The following SHROOM3 variants were observed in gnomAD, a reference collection of about 807,000 sequenced individuals.
SHROOM3 encodes shroom family member 3.
SHROOM3 carries 47 observed loss-of-function variants against 138.6 expected under a neutral mutation model. The ratio of observed to expected loss-of-function variants is 0.34; its 90% CI spans 0.27 to 0.43. The LOEUF (loss-of-function observed/expected upper bound fraction) is 0.43. Ranked by LOEUF, SHROOM3 falls within the 20% of genes least tolerant of loss-of-function variation. The pLI, the probability that SHROOM3 is intolerant of heterozygous loss-of-function variation, is 1.00. For synonymous variants in SHROOM3, 1,062 were observed against 1,063.3 expected (o/e 1.00, Z 0.02); for missense variants, 2,491 against 2,596.5 (o/e 0.96, Z 0.88).
intron 2 of SHROOM3, among the ~76,000 whole-genome samples, chr4:76,599,245 G>A (rs886900652): frequency 6.6e-6 from 1 of 152,110 alleles, no homozygotes; most frequent in South Asian, 2.1e-4. Context: ...TGGTTAAAGA[G>A]TAAGAGGAGG....
chr4:76,475,960 G>A (rs1244765988), intron 1 of SHROOM3, among the ~76,000 whole-genome samples: 1 of 151,712 alleles, frequency 6.6e-6, no homozygotes, highest in Non-Finnish European at 1.5e-5. Flanking sequence ...AGATCTGTGT[G>A]GATCACAAAA....
chr4:76,604,313 T>C (rs1734572255), intron 2 of SHROOM3, among the ~76,000 whole-genome samples: 1 of 152,230 alleles, frequency 6.6e-6, no homozygotes, highest in Non-Finnish European at 1.5e-5. Flanking sequence ...TGGCTATATT[T>C]ATGCCAAGTT....
intron 1 of SHROOM3, among the ~76,000 whole-genome samples, chr4:76,443,440 A>G (rs763032074): frequency 1.3e-5 from 2 of 152,238 alleles, no homozygotes; most frequent in African/African-American, 2.4e-5. Context: ...TTGAAAAAAC[A>G]AAACCTCAAA....
chr4:76,518,358 T>C (rs1490327573), intron 1 of SHROOM3, among the ~76,000 whole-genome samples: 1 of 152,172 alleles, frequency 6.6e-6, no homozygotes, highest in African/African-American at 2.4e-5. Context: ...TAAATCTTTG[T>C]TGTGGTTGAA....
At chr4:76,633,099 G>A (rs185714777) in intron 2 of SHROOM3, among the ~76,000 whole-genome samples, 6 of 152,136 alleles carry the variant, frequency 3.9e-5, no homozygotes, top group Non-Finnish European at 7.4e-5. Context: ...AGCCGAGCGC[G>A]GTGGCTCATG....
At chr4:76,694,280 C>G (rs1480876622) in intron 2 of SHROOM3, among the ~76,000 whole-genome samples, 1 of 152,168 alleles carries the variant, frequency 6.6e-6, no homozygotes, top group Non-Finnish European at 1.5e-5. Flanking sequence ...CATAGACACT[C>G]CAGCCACAAG....
intron 1 of SHROOM3, among the ~76,000 whole-genome samples, chr4:76,508,408 TATTTATGTCTGTTCTTCTGCC>T (rs892537825): frequency 2.6e-5 from 4 of 152,246 alleles, no homozygotes; most frequent in Non-Finnish European, 4.4e-5. Flanking sequence ...TATTATATTC[TATTTATGTCTGTTCTTCTGCC>T]AGTACCATGC....
intron 5 of SHROOM3, among the ~76,000 whole-genome samples, chr4:76,748,587 A>AT (rs1721519797): frequency 6.6e-6 from 1 of 152,210 alleles, no homozygotes; most frequent in African/African-American, 2.4e-5. Context: ...AACATTTGAG[A>AT]TTTTTGCAAA....
chr4:76,750,549 A>C (rs962669645), intron 6 of SHROOM3, among the ~76,000 whole-genome samples: 2 of 152,174 alleles, frequency 1.3e-5, no homozygotes, highest in African/African-American at 4.8e-5. Context: ...GATTGAAAAA[A>C]CTACCTATCA....
At chr4:76,456,719 G>A (rs745629637) in intron 1 of SHROOM3, among the ~76,000 whole-genome samples, 3 of 152,174 alleles carry the variant, frequency 2.0e-5, no homozygotes, top group Non-Finnish European at 4.4e-5. Flanking sequence ...TTTCATGCGC[G>A]TCCGTGTAAA....
chr4:76,680,092 A>G (rs1307125805), intron 2 of SHROOM3, among the ~76,000 whole-genome samples: 3 of 151,898 alleles, frequency 2.0e-5, no homozygotes, highest in Non-Finnish European at 4.4e-5. Context: ...AACCAGAATC[A>G]GTTTTAAGCT....
intron 2 of SHROOM3, among the ~76,000 whole-genome samples, chr4:76,601,999 G>A (rs1282694187): frequency 2.0e-5 from 3 of 152,214 alleles, no homozygotes; most frequent in Non-Finnish European, 4.4e-5. Flanking sequence ...TGGACACACA[G>A]CTGTTTTGTG....
At chr4:76,537,155 A>G (rs4256248) in intron 1 of SHROOM3, among the ~76,000 whole-genome samples, 102,224 of 151,908 alleles carry the variant, frequency 0.67, 34,778 homozygotes, top group East Asian at 0.94. Context: ...AGAGAAAAGG[A>G]AGTGAGCCAT....
chr4:76,765,633 C>T (rs550325648), intron 9 of SHROOM3, among the ~76,000 whole-genome samples: 3 of 152,218 alleles, frequency 2.0e-5, no homozygotes, highest in Non-Finnish European at 4.4e-5. Context: ...TGTAGAGTGA[C>T]GTTACTGGCG....
At chr4:76,724,505 C>T (rs189630823) in intron 3 of SHROOM3, among the ~76,000 whole-genome samples, 8 of 151,982 alleles carry the variant, frequency 5.3e-5, no homozygotes, top group African/African-American at 1.9e-4. Context: ...TTTAAAAATA[C>T]TTTGCTTTTC....
chr4:76,542,314 C>A (rs957827534), intron 1 of SHROOM3, among the ~76,000 whole-genome samples: 1 of 152,174 alleles, frequency 6.6e-6, no homozygotes, highest in African/African-American at 2.4e-5. Flanking sequence ...GGTCACACAG[C>A]TAGTAAGTGG....
In SHROOM3 at chr4:76,740,409, C is replaced by T; in HGVS notation, c.2236C>T (p.Pro746Ser). The change falls in exon 5 of 11, where the codon CCT (proline) becomes TCT (serine). Residue 746 changes from proline to serine, a missense_variant. Physicochemically the swap from Pro to Ser is moderately conservative, Grantham distance 74. Around this residue, in one of 4 missense-constraint regions of SHROOM3, gnomAD observed 1,733 missense variants for 1,661.6 expected, o/e 1.04. Transcript: ENST00000296043. This position sits in a 1 kb window ranked among gnomAD's most constrained non-coding sequence, Gnocchi z 4.0. ...NSTDPSPEEP[P>S]APSHPHTSSL... ...CACAGACCCAAGTCCCGAAGAGCCG[C>T]CTGCCCCCTCGCACCCGCACACATC... The T allele has an allele frequency of 1.2e-6, 2 of 1,613,088 alleles. No homozygotes were observed. The highest frequency in any genetic ancestry group is 2.2e-5 in the East Asian group (1 of 44,854).
intron 2 of SHROOM3, among the ~76,000 whole-genome samples, chr4:76,693,370 G>GTT (rs10648549): frequency 1.9e-4 from 15 of 79,824 alleles, no homozygotes; most frequent in Admixed American, 5.0e-4. Context: ...TGATAAGTTT[G>GTT]TTTTTTTTTT....
chr4:76,741,835 C>T lies in SHROOM3; in HGVS notation c.3662C>T (p.Ser1221Leu). 3 of 1,599,078 alleles carry T rather than the reference C, an allele frequency of 1.9e-6. No homozygotes were observed. Among genetic ancestry groups the T allele is most frequent in the Non-Finnish European group, 2.6e-6 (3 of 1,173,708 alleles). Residue 1221 changes from serine to leucine, a missense_variant, in exon 5 of 11, where the codon TCG (serine) becomes TTG (leucine). By Grantham distance (145) the Ser-to-Leu change is moderately radical. Around this residue, in one of 4 missense-constraint regions of SHROOM3, gnomAD observed 1,733 missense variants for 1,661.6 expected, o/e 1.04. Coordinates refer to ENST00000296043, the MANE Select transcript of SHROOM3 (RefSeq NM_020859.4). This position sits in a 1 kb window ranked among gnomAD's most constrained non-coding sequence, Gnocchi z 6.2. ...GGGGCCAGGGCCGGGAAGTCCATGT[C>T]GGCCGAGGACCTGCTGGAACGCTCG... ...SWGARAGKSM[S>L]AEDLLERSDV...
Sources: allele counts gnomAD v4.1 joint callset (sites outside exome capture counted in the v4.1 genomes callset), GRCh38; gene constraint gnomAD v4.1.1; regional missense constraint gnomAD v4.1.1; non-coding constraint Gnocchi (gnomAD v3.1); transcripts MANE v1.5; gene names NCBI Gene and HGNC (gene_info 2026-07-23, HGNC 2026-07-21).